The following SMAD2 variants were observed in gnomAD, a reference collection of about 807,000 sequenced individuals.
SMAD2 encodes the protein SMAD family member 2, also known as MAD homolog 2.
In SMAD2, 8 loss-of-function variants were observed where a neutral mutation model predicts 64.4. The ratio of observed to expected loss-of-function variants is 0.12; its 90% CI spans 0.07 to 0.22. The LOEUF (loss-of-function observed/expected upper bound fraction) is 0.22. Ranked by LOEUF, SMAD2 falls within the 10% of genes least tolerant of loss-of-function variation. SMAD2 has a pLI of 1.00. For synonymous variants in SMAD2, 203 were observed against 195.8 expected (o/e 1.04, Z -0.31); for missense variants, 289 against 561.2 (o/e 0.51, Z 4.90).
At chr18:47,922,705 A>C (rs1675490313) in intron 1 of SMAD2, 1 of 152,228 alleles carries the variant, frequency 6.6e-6, no homozygotes, top group South Asian at 2.1e-4. Context: ...GAATTGTATA[A>C]CTGTTTTAGT....
At chr18:47,856,860 T>TTC (rs1445480915) in intron 6 of SMAD2, among the ~76,000 whole-genome samples, 1 of 147,018 alleles carries the variant, frequency 6.8e-6, no homozygotes, top group African/African-American at 2.5e-5. Flanking sequence ...GCTAATTTTT[T>TTC]TTTTTTTTTT....
At chr18:47,882,206 G>A (rs187551104) in intron 2 of SMAD2, among the ~76,000 whole-genome samples, 4 of 148,714 alleles carry the variant, frequency 2.7e-5, no homozygotes, top group South Asian at 2.1e-4. Flanking sequence ...TTCTTTTTTC[G>A]GGGGTGGGGG....
intron 1 of SMAD2, among the ~76,000 whole-genome samples, chr18:47,910,262 G>C (rs929927049): frequency 6.6e-6 from 1 of 151,864 alleles, no homozygotes; most frequent in African/African-American, 2.4e-5. Flanking sequence ...CACATCAGAG[G>C]AATTAACAGA....
At chr18:47,845,218 T>TA in intron 10 of SMAD2, 122 bp downstream of exon 10, 1 of 1,042,234 alleles carries the variant, frequency 9.6e-7, no homozygotes, top group South Asian at 1.3e-5. Context: ...TTATTTTACA[T>TA]AAAGATCAGC....
At chr18:47,888,925 G>C (rs376364672) in intron 2 of SMAD2, among the ~76,000 whole-genome samples, 1 of 152,010 alleles carries the variant, frequency 6.6e-6, no homozygotes, top group Admixed American at 6.6e-5. Context: ...ATATATTAAG[G>C]AAATAGACAA....
chr18:47,915,277 T>C (rs893508453), intron 1 of SMAD2, among the ~76,000 whole-genome samples: 3 of 152,220 alleles, frequency 2.0e-5, no homozygotes, highest in Non-Finnish European at 4.4e-5. Flanking sequence ...TTTTGCTACA[T>C]ATTGTATCCA....
In SMAD2 at chr18:47,832,489, T is replaced by C. The variant is rs1913035332; in HGVS notation, c.*9338A>G. ...CACGTAAAATAGTGTATTTTAGCATTTGAGGTCCCTTTTTGTTGCATACTA... is the reference window on the plus strand; with the variant it reads ...CACGTAAAATAGTGTATTTTAGCATCTGAGGTCCCTTTTTGTTGCATACTA... On this transcript the variant is annotated 3_prime_UTR_variant, in exon 11 of 11. Coordinates refer to ENST00000262160, the MANE Select transcript of SMAD2 (RefSeq NM_005901.6). 1.3e-5 allele frequency: 2 copies of C among 152,202 alleles called. No homozygotes were observed. Among genetic ancestry groups the C allele is most frequent in the Non-Finnish European group, 2.9e-5 (2 of 68,034 alleles). The allele number at this position is 152,202 out of a possible 1,614,324, so 9.4% of individuals were successfully genotyped here.
intron 1 of SMAD2, among the ~76,000 whole-genome samples, chr18:47,901,599 C>T (rs1371070144): frequency 2.6e-5 from 4 of 151,806 alleles, no homozygotes; most frequent in Non-Finnish European, 5.9e-5. Context: ...TTAGTGGTTA[C>T]CCTAGATATT....
intron 1 of SMAD2, chr18:47,930,105 T>G (rs1201478830): frequency 1.3e-5 from 2 of 152,272 alleles, no homozygotes; most frequent in Non-Finnish European, 2.9e-5. Context: ...CTATGGAGTG[T>G]GAGAGCAGCG....
In SMAD2 at chr18:47,819,654, G is replaced by A. The variant is rs901406456; in HGVS notation, c.*22173C>T. ...TACTAAAAATACAAAAAATTGGCTG[G>A]GCGCGGTGGCGGGCGCCTGTAGTCC... On this transcript the variant is annotated 3_prime_UTR_variant, in exon 11 of 11. Coordinates refer to ENST00000262160, the MANE Select transcript of SMAD2 (RefSeq NM_005901.6). The A allele has an allele frequency of 6.6e-6, 1 of 152,186 alleles. No individual in the cohort carries two copies. The highest frequency in any genetic ancestry group is 2.4e-5 in the African/African-American group (1 of 41,438). The allele number at this position is 152,186 out of a possible 1,614,324, so 9.4% of individuals were successfully genotyped here. A position where few individuals can be genotyped will look rare whatever the true frequency, so the allele number is the denominator to read the frequency against.
rs72661149 is a variant in SMAD2, at chr18:47,841,424, G to C, written c.*403C>G. On this transcript the variant is annotated 3_prime_UTR_variant, in exon 11 of 11. Transcript: ENST00000262160. ...CTGCAACTTTATAAAGGTTTGCCTA[G>C]ATCAAGAAGCAGCGCACACACACAC... 3.1e-4 allele frequency: 87 copies of C among 285,236 alleles called. No individual in the cohort carries two copies. The highest frequency in any genetic ancestry group is 4.9e-4 in the Non-Finnish European group (73 of 147,700). 17.7% of individuals were successfully genotyped at this position (285,236 alleles called of 1,614,324 possible).
chr18:47,890,472 C>T (rs758056197), intron 2 of SMAD2, among the ~76,000 whole-genome samples: 3 of 152,064 alleles, frequency 2.0e-5, no homozygotes, highest in Non-Finnish European at 2.9e-5. Context: ...AAATAGAGAA[C>T]GAAGACCTAG....
intron 3 of SMAD2, among the ~76,000 whole-genome samples, chr18:47,870,102 A>T (rs370475514): frequency 6.8e-6 from 1 of 147,454 alleles, no homozygotes; most frequent in Admixed American, 6.9e-5. Flanking sequence ...GTATGTATTT[A>T]TTAGTATAAA....
rs937190983 is a variant in SMAD2 at position 47,841,434 on chromosome 18, C to A, written c.*393G>T. On this transcript the variant is annotated 3_prime_UTR_variant, in exon 11 of 11. Coordinates refer to ENST00000262160, the MANE Select transcript of SMAD2 (RefSeq NM_005901.6). ...ATAAAGGTTTGCCTAGATCAAGAAGCAGCGCACACACACACCTCATCTATG... is the reference window on the plus strand; with the variant it reads ...ATAAAGGTTTGCCTAGATCAAGAAGAAGCGCACACACACACCTCATCTATG... 3 of 291,354 alleles carry A rather than the reference C, an allele frequency of 1.0e-5. No individual in the cohort carries two copies. The highest frequency in any genetic ancestry group is 8.3e-5 in the South Asian group (1 of 12,118). The allele number at this position is 291,354 out of a possible 1,614,324, so 18.0% of individuals were successfully genotyped here.
chr18:47,848,115 A>C (rs1201722560), intron 8 of SMAD2, among the ~76,000 whole-genome samples: 1 of 152,014 alleles, frequency 6.6e-6, no homozygotes, highest in Non-Finnish European at 1.5e-5. Context: ...AAACTGAAAA[A>C]AAACAAAAAC....
In SMAD2 at chr18:47,832,502, T is replaced by C. The variant is rs1913035806; in HGVS notation, c.*9325A>G. The C allele has an allele frequency of 6.6e-6, 1 of 152,220 alleles. No homozygotes were observed. Among genetic ancestry groups the C allele is most frequent in the Non-Finnish European group, 1.5e-5 (1 of 68,044 alleles). The allele number at this position is 152,220 out of a possible 1,614,324, so 9.4% of individuals were successfully genotyped here. ...GTATTTTAGCATTTGAGGTCCCTTTTTGTTGCATACTAAAGCATGTTTAAA... is the reference window on the plus strand; with the variant it reads ...GTATTTTAGCATTTGAGGTCCCTTTCTGTTGCATACTAAAGCATGTTTAAA... On this transcript the variant is annotated 3_prime_UTR_variant, in exon 11 of 11. Coordinates refer to ENST00000262160, the MANE Select transcript of SMAD2 (RefSeq NM_005901.6).
intron 7 of SMAD2, 132 bp from the exon 8 acceptor site, chr18:47,848,819 C>T (rs1914790602): frequency 2.9e-6 from 2 of 679,732 alleles, no homozygotes; most frequent in Admixed American, 2.5e-5. Flanking sequence ...AGGAAGTAGA[C>T]ATAGTATCTG....
chr18:47,888,528 G>A lies in SMAD2; in HGVS notation c.236+7993C>T, dbSNP rs186691237. 5.9e-5 allele frequency among the ~76,000 whole-genome samples: 9 copies of A among 152,286 alleles called. No individual in the cohort carries two copies. The East Asian group carries it at 1.7e-3, about 29-fold the overall frequency. On this transcript the variant is annotated intron_variant, in intron 2 of 10. Transcript: ENST00000262160. ...AGAAGTGAATCTCCCAGTGTTTCAGGGGTTAGGTGACAGTCTAACAAGCTT... is the reference window on the plus strand; with the variant it reads ...AGAAGTGAATCTCCCAGTGTTTCAGAGGTTAGGTGACAGTCTAACAAGCTT...
rs1489715590 is a variant in SMAD2, at chr18:47,838,642, T to C, written c.*3185A>G. On this transcript the variant is annotated 3_prime_UTR_variant, in exon 11 of 11. Coordinates refer to ENST00000262160, the MANE Select transcript of SMAD2 (RefSeq NM_005901.6). ...AGGCCTAAATCCAGTTATATTTTTC[T>C]AATCGTTGACCAGTGGTTATAAAGA... 1 of 232,940 alleles carries C rather than the reference T, an allele frequency of 4.3e-6. No individual in the cohort carries two copies. Among genetic ancestry groups the C allele is most frequent in the African/African-American group, 2.2e-5 (1 of 45,342 alleles). The allele number at this position is 232,940 out of a possible 1,614,324, so 14.4% of individuals were successfully genotyped here.
Sources: allele counts gnomAD v4.1 joint callset (sites outside exome capture counted in the v4.1 genomes callset), GRCh38; gene constraint gnomAD v4.1.1; transcripts MANE v1.5; gene names NCBI Gene and HGNC (gene_info 2026-07-23, HGNC 2026-07-21).